Variants in MIS18A observed in about 807,000 individuals in gnomAD.
MIS18A encodes the protein MIS18 kinetochore protein A.
In MIS18A, 14 loss-of-function variants were observed where a neutral mutation model predicts 25.0. The observed-to-expected ratio is 0.56, with a 90% CI of 0.37 to 0.88. The LOEUF (loss-of-function observed/expected upper bound fraction) is 0.88. Among genes scored for constraint, MIS18A ranks in the 40% least tolerant of loss-of-function variants. MIS18A has a pLI of 0.00. For missense variants in MIS18A, 292 were observed against 290.8 expected (o/e 1.00, Z -0.03); for synonymous variants, 134 against 118.6 (o/e 1.13, Z -0.84).
the MIS18A span, among the ~76,000 whole-genome samples, chr21:32,191,585 T>TA: frequency 3.3e-5 from 5 of 151,560 alleles, no homozygotes; most frequent in African/African-American, 9.7e-5. Context: ...CCCTTTCCCT[T>TA]AAAAAAGAAA....
At chr21:32,216,424 T>C in the MIS18A span, among the ~76,000 whole-genome samples, 3 of 152,232 alleles carry the variant, frequency 2.0e-5, no homozygotes, top group African/African-American at 4.8e-5. Flanking sequence ...GCTGTCTTTA[T>C]GTGATGTGAC....
At chr21:32,255,715 C>A in the MIS18A span, among the ~76,000 whole-genome samples, 2 of 151,480 alleles carry the variant, frequency 1.3e-5, no homozygotes, top group African/African-American at 4.8e-5. Flanking sequence ...CGGTGAAACC[C>A]CATCTCTACT....
chr21:32,214,325 G>A, the MIS18A span, among the ~76,000 whole-genome samples: 1 of 152,186 alleles, frequency 6.6e-6, no homozygotes, highest in East Asian at 1.9e-4. Flanking sequence ...CATCTAGAGA[G>A]TGCATTGGAC....
the MIS18A span, among the ~76,000 whole-genome samples, chr21:32,198,977 C>T: frequency 6.1e-4 from 93 of 151,502 alleles, no homozygotes; most frequent in Non-Finnish European, 7.9e-4. Flanking sequence ...TGAGTCAGAA[C>T]GTGTATTTCT....
At chr21:32,188,202 T>C in the MIS18A span, among the ~76,000 whole-genome samples, 1 of 152,358 alleles carries the variant, frequency 6.6e-6, no homozygotes, top group South Asian at 2.1e-4. Flanking sequence ...GTATTCTGCA[T>C]TGGCAGCCCA....
chr21:32,258,719 A>G, the MIS18A span, among the ~76,000 whole-genome samples: 1 of 152,182 alleles, frequency 6.6e-6, no homozygotes, highest in Non-Finnish European at 1.5e-5. Context: ...GCCGGGAAGA[A>G]CTGTCCCCTA....
At chr21:32,263,325 G>A (rs984564035), downstream of MIS18A, among the ~76,000 whole-genome samples, 2 of 152,244 alleles carry the variant, frequency 1.3e-5, no homozygotes, top group Non-Finnish European at 2.9e-5. Flanking sequence ...ACTGGACACA[G>A]TGGCTCACGC....
chr21:32,212,725 T>G, the MIS18A span, among the ~76,000 whole-genome samples: 22 of 152,284 alleles, frequency 1.4e-4, no homozygotes, highest in African/African-American at 5.1e-4. Flanking sequence ...TGGAGATAAT[T>G]GAATCATGGG....
the MIS18A span, among the ~76,000 whole-genome samples, chr21:32,234,839 C>A: frequency 2.0e-5 from 3 of 152,200 alleles, no homozygotes; most frequent in South Asian, 6.2e-4. Context: ...GATAAAACCT[C>A]TTTTCTTTAT....
chr21:32,171,041 G>A, the MIS18A span, among the ~76,000 whole-genome samples: 56 of 152,156 alleles, frequency 3.7e-4, no homozygotes, highest in African/African-American at 1.3e-3. Flanking sequence ...ACTTAATGAC[G>A]AAAGACTGAA....
At chr21:32,219,670 C>A in the MIS18A span, among the ~76,000 whole-genome samples, 1 of 152,158 alleles carries the variant, frequency 6.6e-6, no homozygotes, top group Non-Finnish European at 1.5e-5. Flanking sequence ...GGGAGCTAAG[C>A]GGTCTTTCCC....
At chr21:32,212,426 C>A in the MIS18A span, among the ~76,000 whole-genome samples, 2 of 152,152 alleles carry the variant, frequency 1.3e-5, no homozygotes, top group Non-Finnish European at 2.9e-5. Flanking sequence ...TTTATCCAGC[C>A]ATGAAGAATG....
chr21:32,241,682 TC>T, the MIS18A span, among the ~76,000 whole-genome samples: 1 of 152,112 alleles, frequency 6.6e-6, no homozygotes, highest in Non-Finnish European at 1.5e-5. Context: ...CATTCTTTCC[TC>T]CCCTGGCAGG....
the MIS18A span, among the ~76,000 whole-genome samples, chr21:32,180,502 C>G: frequency 6.6e-6 from 1 of 152,202 alleles, no homozygotes; most frequent in Non-Finnish European, 1.5e-5. Flanking sequence ...CTTGTGAATG[C>G]ATTGTTGTTT....
the MIS18A span, among the ~76,000 whole-genome samples, chr21:32,231,219 C>G: frequency 2.6e-4 from 38 of 144,828 alleles, no homozygotes; most frequent in African/African-American, 8.7e-4. Context: ...CTAGGCGACA[C>G]AGCGAGACCC....
At chr21:32,168,453 TAGACAGAC>T in the MIS18A span, among the ~76,000 whole-genome samples, 48 of 152,324 alleles carry the variant, frequency 3.2e-4, 1 homozygote, top group African/African-American at 8.9e-4. Flanking sequence ...TGGACTTATT[TAGACAGAC>T]AGAAATGTAT....
chr21:32,278,691 G>A lies in MIS18A; in HGVS notation c.324C>T (p.Ile108=). 6.4e-7 allele frequency: 1 copy of A among 1,560,328 alleles called. No homozygotes were observed. The highest frequency in any genetic ancestry group is 8.6e-7 in the Non-Finnish European group (1 of 1,158,584). ...WVASQEDTNC[I]LLRCVSCNVS... ...CTCGACCCAACTGACAGCGAAGCAG[G>A]ATGCAGTTGGTGTCCTCCTGGCTGG... The change falls in exon 1 of 5, where the codon ATC becomes ATT. Residue 108 remains isoleucine (I), a synonymous_variant. Transcript: ENST00000290130.
At chr21:32,157,520 GT>G in the MIS18A span, among the ~76,000 whole-genome samples, 2,249 of 150,922 alleles carry the variant, frequency 0.015, 58 homozygotes, top group African/African-American at 0.051. Context: ...TTATAGTAAA[GT>G]TTTTTTTTGT....
the MIS18A span, among the ~76,000 whole-genome samples, chr21:32,179,347 T>C: frequency 9.9e-5 from 15 of 152,106 alleles, no homozygotes; most frequent in African/African-American, 2.9e-4. Flanking sequence ...TTGGGAGAAG[T>C]CCCAGGTTTA....
Sources: allele counts gnomAD v4.1 joint callset (sites outside exome capture counted in the v4.1 genomes callset), GRCh38; gene constraint gnomAD v4.1.1; transcripts MANE v1.5; gene names NCBI Gene and HGNC (gene_info 2026-07-23, HGNC 2026-07-21).